The following ATRNL1 variants were observed in gnomAD, a reference collection of about 807,000 sequenced individuals.
ATRNL1 encodes the protein attractin like 1, also known as attractin-like protein 1.
In ATRNL1, 95 loss-of-function variants were observed where a neutral mutation model predicts 182.7. The observed-to-expected ratio is 0.52, with a 90% CI of 0.44 to 0.62. ATRNL1 has a LOEUF of 0.62. Among genes scored for constraint, ATRNL1 ranks in the 20% least tolerant of loss-of-function variants. The probability of loss-of-function intolerance (pLI) is 0.00; values close to 1 mark genes in which losing one functional copy is unlikely to be tolerated. For synonymous variants in ATRNL1, 576 were observed against 568.3 expected (o/e 1.01, Z -0.19); for missense variants, 1,471 against 1,679.5 (o/e 0.88, Z 2.17).
intron 19 of ATRNL1, among the ~76,000 whole-genome samples, chr10:115,336,212 C>T (rs1306956843): frequency 2.0e-5 from 3 of 152,102 alleles, no homozygotes; most frequent in Non-Finnish European, 4.4e-5. Context: ...TCCTAAACCT[C>T]GCTCTTAACT....
At chr10:115,109,587 TGTATC>T (rs1339132688) in intron 1 of ATRNL1, among the ~76,000 whole-genome samples, 2 of 152,176 alleles carry the variant, frequency 1.3e-5, no homozygotes, top group African/African-American at 4.8e-5. Context: ...CCCACACTGT[TGTATC>T]GGGGATTAAG....
intron 26 of ATRNL1, among the ~76,000 whole-genome samples, chr10:115,653,450 C>T (rs1379364775): frequency 6.6e-6 from 1 of 152,136 alleles, no homozygotes; most frequent in African/African-American, 2.4e-5. Context: ...TCTGAACCCA[C>T]CATGGTTTTT....
chr10:115,813,493 C>G (rs2134262509), intron 27 of ATRNL1, among the ~76,000 whole-genome samples: 1 of 152,190 alleles, frequency 6.6e-6, no homozygotes, highest in Middle Eastern at 3.4e-3. Flanking sequence ...TAATAGTTGC[C>G]TGATTATATC....
chr10:115,943,063 G>A (rs529139514), intron 28 of ATRNL1, among the ~76,000 whole-genome samples: 6 of 152,272 alleles, frequency 3.9e-5, no homozygotes, highest in South Asian at 2.1e-4. Flanking sequence ...CTACAGCTCC[G>A]CATTTGTGGT....
intron 27 of ATRNL1, chr10:115,819,869 A>G (rs190938885): frequency 5.3e-5 from 8 of 151,834 alleles, no homozygotes; most frequent in Non-Finnish European, 1.0e-4. Context: ...TCATTCACGT[A>G]TAAACTAGAA....
At chr10:115,320,341 C>T (rs559746355) in intron 18 of ATRNL1, among the ~76,000 whole-genome samples, 10 of 152,130 alleles carry the variant, frequency 6.6e-5, no homozygotes, top group South Asian at 6.2e-4. Flanking sequence ...GCCTTCATTT[C>T]GCCCTTAGAG....
intron 26 of ATRNL1, among the ~76,000 whole-genome samples, chr10:115,687,074 G>A (rs1336573932): frequency 1.3e-5 from 2 of 151,902 alleles, no homozygotes; most frequent in Non-Finnish European, 2.9e-5. Flanking sequence ...CTGATGATTA[G>A]CAATTTTGAT....
intron 15 of ATRNL1, among the ~76,000 whole-genome samples, chr10:115,293,719 C>A (rs1386616984): frequency 6.6e-6 from 1 of 152,138 alleles, no homozygotes; most frequent in Non-Finnish European, 1.5e-5. Flanking sequence ...TGAAGGATAG[C>A]TTTTCTGGGT....
chr10:115,294,953 G>A (rs557129091), intron 15 of ATRNL1, among the ~76,000 whole-genome samples: 29 of 152,118 alleles, frequency 1.9e-4, no homozygotes, highest in Non-Finnish European at 3.7e-4. Flanking sequence ...CTCAGATTAC[G>A]GGCATGTGAG....
intron 14 of ATRNL1, among the ~76,000 whole-genome samples, chr10:115,284,365 A>G (rs1227255745): frequency 3.3e-5 from 5 of 152,222 alleles, no homozygotes; most frequent in Non-Finnish European, 5.9e-5. Flanking sequence ...CAGTAAGGTG[A>G]GAAAAAACCG....
In ATRNL1 at chr10:115,727,282, G is replaced by T. The variant is rs370291248; in HGVS notation, c.3830G>T (p.Arg1277Leu). 6.2e-7 allele frequency: 1 copy of T among 1,613,928 alleles called. No homozygotes were observed. Among genetic ancestry groups the T allele is most frequent in the African/African-American group, 1.3e-5 (1 of 74,928 alleles). Reference sequence around the variant, plus strand: ...CGAGAACGACAGCAGATGGCCAGCCGTCCCTTTGCTTCTGTTGATGTAGCT... The same window carrying T: ...CGAGAACGACAGCAGATGGCCAGCCTTCCCTTTGCTTCTGTTGATGTAGCT... ...LLRERQQMAS[R>L]PFASVDVALE... Residue 1277 changes from arginine to leucine, a missense_variant, in exon 27 of 29, where the codon CGT becomes CTT. By Grantham distance (102) the Arg-to-Leu change is moderately radical. This residue lies in a region of ATRNL1 where 437 missense variants were observed against 506.0 expected (regional missense o/e 0.86). Coordinates refer to ENST00000355044, the MANE Select transcript of ATRNL1 (RefSeq NM_207303.4).
chr10:115,597,748 A>T (rs1302377552), intron 26 of ATRNL1: 1 of 436,340 alleles, frequency 2.3e-6, no homozygotes. Flanking sequence ...GGGTTTCACC[A>T]TGTTGGCCAG....
chr10:115,602,580 A>G (rs955939537), intron 26 of ATRNL1, among the ~76,000 whole-genome samples: 2 of 151,836 alleles, frequency 1.3e-5, no homozygotes, highest in Non-Finnish European at 2.9e-5. Flanking sequence ...AATAGCAATC[A>G]TGGCCGGGCG....
intron 17 of ATRNL1, among the ~76,000 whole-genome samples, chr10:115,304,476 G>T (rs1322560148): frequency 6.6e-6 from 1 of 152,178 alleles, no homozygotes; most frequent in Non-Finnish European, 1.5e-5. Flanking sequence ...TGGTTTTAAG[G>T]AGCAGAGAGT....
chr10:115,236,515 TA>T (rs1850187646), intron 9 of ATRNL1, among the ~76,000 whole-genome samples: 1 of 152,236 alleles, frequency 6.6e-6, no homozygotes, highest in Non-Finnish European at 1.5e-5. Context: ...TTCCATTTAA[TA>T]TACCATATCT....
rs140556386 is a variant in ATRNL1 at position 115,737,499 on chromosome 10, C to T, written c.3903+10144C>T. On this transcript the variant is annotated intron_variant, in intron 27 of 28. Transcript: ENST00000355044. ...GTTATTTTGAAGTGGGAAGGCCCTACTTACACTATCTGTAGTTGTCTCCTC... is the reference window on the plus strand; with the variant it reads ...GTTATTTTGAAGTGGGAAGGCCCTATTTACACTATCTGTAGTTGTCTCCTC... 2.7e-3 allele frequency among the ~76,000 whole-genome samples: 416 copies of T among 152,052 alleles called. 2 individuals are homozygous for T. The highest frequency in any genetic ancestry group is 9.4e-3 in the African/African-American group (391 of 41,486).
chr10:115,367,037 C>T (rs1417657043), intron 19 of ATRNL1, among the ~76,000 whole-genome samples: 1 of 128,384 alleles, frequency 7.8e-6, no homozygotes, highest in Non-Finnish European at 1.6e-5. Flanking sequence ...GTGGCGTTCT[C>T]TGTATTTCCT....
At chr10:115,218,320 G>A (rs1280601087) in intron 9 of ATRNL1, among the ~76,000 whole-genome samples, 1 of 152,066 alleles carries the variant, frequency 6.6e-6, no homozygotes. Flanking sequence ...ATAGAAGCAG[G>A]CTTTTTGGTG....
chr10:115,673,442 C>A (rs1474487259), intron 26 of ATRNL1, among the ~76,000 whole-genome samples: 2 of 151,922 alleles, frequency 1.3e-5, no homozygotes, highest in African/African-American at 4.8e-5. Flanking sequence ...TGCTGAACTG[C>A]AATATCAGAC....
Sources: gnomAD v4.1 joint callset for allele counts (sites outside exome capture counted in the v4.1 genomes callset) on GRCh38, gnomAD v4.1.1 for gene constraint, gnomAD v4.1.1 regional missense constraint, MANE v1.5 for transcripts, NCBI Gene and HGNC (gene_info 2026-07-23, HGNC 2026-07-21) for gene names.